The following NAALAD2 variants were observed in gnomAD, a reference collection of about 807,000 sequenced individuals.
NAALAD2 encodes N-acetylated-alpha-linked acidic dipeptidase 2.
Under a neutral mutation model 95.6 loss-of-function variants are expected in NAALAD2, and 89 were observed. That is an observed-to-expected ratio of 0.93 (90% CI 0.78 to 1.11). The LOEUF (loss-of-function observed/expected upper bound fraction) is 1.11. Among genes scored for constraint, NAALAD2 ranks in the 50% least tolerant of loss-of-function variants. The pLI is 0.00. For missense variants in NAALAD2, 894 were observed against 872.4 expected, an observed-to-expected ratio of 1.02 and a Z score of -0.31; for synonymous variants, 264 against 294.4, an observed-to-expected ratio of 0.90 and a Z score of 1.06.
upstream of NAALAD2, among the ~76,000 whole-genome samples, chr11:90,133,010 G>A (rs750482363): frequency 6.6e-6 from 1 of 152,108 alleles, no homozygotes. Flanking sequence ...AAAGTTTCAA[G>A]AAATAAGTTA....
At chr11:90,183,060 C>T in intron 18 of NAALAD2, 52 bp downstream of exon 18, 1 of 1,352,422 alleles carries the variant, frequency 7.4e-7, no homozygotes. Flanking sequence ...ACCAGCATAC[C>T]TAAAGTTGGC....
chr11:90,143,272 G>A (rs1951669153), intron 2 of NAALAD2, among the ~76,000 whole-genome samples: 2 of 152,100 alleles, frequency 1.3e-5, no homozygotes, highest in Admixed American at 1.3e-4. Flanking sequence ...TGTGGAGTCT[G>A]ATGGTGACAA....
At chr11:90,187,897 T>C (rs1286008937) in intron 18 of NAALAD2, among the ~76,000 whole-genome samples, 2 of 152,204 alleles carry the variant, frequency 1.3e-5, no homozygotes, top group Non-Finnish European at 2.9e-5. Flanking sequence ...TATGTATGTA[T>C]TGTTAAAACA....
chr11:90,184,576 A>G (rs145031307), intron 18 of NAALAD2, among the ~76,000 whole-genome samples: 2 of 152,012 alleles, frequency 1.3e-5, no homozygotes, highest in East Asian at 1.9e-4. Context: ...TTATTAGTCT[A>G]TCTTTATATA....
intron 16 of NAALAD2, among the ~76,000 whole-genome samples, chr11:90,180,364 T>C (rs796232693): frequency 6.6e-5 from 10 of 152,082 alleles, no homozygotes; most frequent in African/African-American, 2.4e-4. Flanking sequence ...AAAACAACAA[T>C]TAAAAGTTAA....
rs779225001 is a variant in NAALAD2, at chr11:90,169,007, A to C, written c.1342+15A>C. On this transcript the variant is annotated intron_variant, in intron 12 of 18. Transcript: ENST00000534061. Reference sequence around the variant, plus strand: ...ATCTATAGAAGGTAAATTTTATTTCAATTTGAAGTGAAATTTTCAGAAAGG... The same window carrying C: ...ATCTATAGAAGGTAAATTTTATTTCCATTTGAAGTGAAATTTTCAGAAAGG... 2.5e-6 allele frequency: 4 copies of C among 1,580,526 alleles called. No individual in the cohort carries two copies. Among genetic ancestry groups the C allele is most frequent in the Non-Finnish European group, 3.4e-6 (4 of 1,163,354 alleles).
chr11:90,175,930 G>A (rs1381122761), intron 14 of NAALAD2, 42 bp from the exon 15 acceptor site: 14 of 735,204 alleles, frequency 1.9e-5, no homozygotes, highest in African/African-American at 5.5e-5. Flanking sequence ...ACTTGTTTAT[G>A]TGTGTGTGTG....
At chr11:90,178,710 G>GA (rs1952879422) in intron 16 of NAALAD2, among the ~76,000 whole-genome samples, 1 of 151,756 alleles carries the variant, frequency 6.6e-6, no homozygotes, top group Admixed American at 6.6e-5. Context: ...AACAATATTA[G>GA]AAAAATGTAA....
chr11:90,171,707 C>T (rs1284526558), intron 13 of NAALAD2, among the ~76,000 whole-genome samples: 3 of 152,162 alleles, frequency 2.0e-5, no homozygotes, highest in Non-Finnish European at 4.4e-5. Flanking sequence ...TTTTATTAAT[C>T]CCTAGTGTGT....
At chr11:90,189,769 C>CAA (rs35142682) in intron 18 of NAALAD2, among the ~76,000 whole-genome samples, 19,564 of 140,568 alleles carry the variant, frequency 0.14, 1,717 homozygotes, top group East Asian at 0.32. Flanking sequence ...GACTCTATCT[C>CAA]AAAAAAAAAA....
At chr11:90,174,291 A>G (rs1952724569) in intron 14 of NAALAD2, among the ~76,000 whole-genome samples, 1 of 151,886 alleles carries the variant, frequency 6.6e-6, no homozygotes, top group Non-Finnish European at 1.5e-5. Context: ...AGATCGTGCC[A>G]TTGCATTCCA....
chr11:90,178,395 G>A (rs920378926), intron 16 of NAALAD2, among the ~76,000 whole-genome samples: 1 of 152,164 alleles, frequency 6.6e-6, no homozygotes, highest in African/African-American at 2.4e-5. Flanking sequence ...TTACTGGCTG[G>A]GTGCGGTGGC....
intron 6 of NAALAD2, among the ~76,000 whole-genome samples, chr11:90,155,393 AT>A (rs1281903793): frequency 1.2e-5 from 1 of 82,086 alleles, no homozygotes; most frequent in South Asian, 3.3e-4. Flanking sequence ...TACATGTAAT[AT>A]ATAATATATA....
At chr11:90,149,646 C>T (rs1456845147) in intron 4 of NAALAD2, among the ~76,000 whole-genome samples, 2 of 152,008 alleles carry the variant, frequency 1.3e-5, no homozygotes, top group African/African-American at 2.4e-5. Flanking sequence ...CTATGTTGGT[C>T]AGGCTAGTCT....
intron 14 of NAALAD2, among the ~76,000 whole-genome samples, chr11:90,175,154 A>C (rs1023893618): frequency 8.5e-5 from 13 of 152,206 alleles, no homozygotes; most frequent in Admixed American, 8.5e-4. Context: ...ACAAGCAAAT[A>C]ATAGTAACAG....
intron 18 of NAALAD2, among the ~76,000 whole-genome samples, chr11:90,191,345 T>C (rs1339450168): frequency 1.3e-5 from 2 of 150,400 alleles, no homozygotes; most frequent in Admixed American, 6.6e-5. Flanking sequence ...CGCAACATGG[T>C]ATATGATTCC....
At chr11:90,139,384 C>A (rs1427593678) in intron 2 of NAALAD2, among the ~76,000 whole-genome samples, 6 of 152,194 alleles carry the variant, frequency 3.9e-5, no homozygotes, top group African/African-American at 1.2e-4. Flanking sequence ...TGCCTTAAAT[C>A]TCAGTGCTTA....
chr11:90,181,854 T>C (rs1952983100), intron 17 of NAALAD2, among the ~76,000 whole-genome samples, 153 bp downstream of exon 17: 1 of 152,020 alleles, frequency 6.6e-6, no homozygotes, highest in Non-Finnish European at 1.5e-5. Context: ...CCTGAGAACT[T>C]GTTAGAAAGG....
At chr11:90,167,997 A>G (rs1021913562) in intron 11 of NAALAD2, among the ~76,000 whole-genome samples, 10 of 152,080 alleles carry the variant, frequency 6.6e-5, no homozygotes, top group African/African-American at 2.2e-4. Context: ...GTTGTGAAAG[A>G]TTTGTTCTTT....
Sources: allele counts gnomAD v4.1 joint callset (sites outside exome capture counted in the v4.1 genomes callset), GRCh38; gene constraint gnomAD v4.1.1; transcripts MANE v1.5; gene names NCBI Gene and HGNC (gene_info 2026-07-23, HGNC 2026-07-21).